RAB5IF: variants seen among roughly 807,000 people sequenced by gnomAD.
RAB5IF encodes RAB5 interacting factor, also known as GEL complex subunit OPTI.
In RAB5IF, 15 loss-of-function variants were observed where a neutral mutation model predicts 20.3. That is an observed-to-expected ratio of 0.74 (90% CI 0.50 to 1.14). The LOEUF (loss-of-function observed/expected upper bound fraction) is 1.14. Ranked by LOEUF, RAB5IF falls within the 50% of genes most tolerant of loss-of-function variation. The pLI is 0.00. For synonymous variants in RAB5IF, 67 were observed against 63.7 expected, an observed-to-expected ratio of 1.05 and a Z score of -0.25; for missense variants, 148 against 159.5, an observed-to-expected ratio of 0.93 and a Z score of 0.39.
chr20:36,607,286 AGTTTCACTCTT>A (rs1315100827), intron 1 of RAB5IF, among the ~76,000 whole-genome samples: 4 of 124,042 alleles, frequency 3.2e-5, no homozygotes, highest in African/African-American at 9.7e-5. Flanking sequence ...TTTGAGACGG[AGTTTCACTCTT>A]GTTGCCCTGC....
chr20:36,611,994 C>T lies in RAB5IF; in HGVS notation c.349-16C>T. 6.2e-7 allele frequency: 1 copy of T among 1,614,066 alleles called. No individual in the cohort carries two copies. Among genetic ancestry groups the T allele is most frequent in the Non-Finnish European group, 8.5e-7 (1 of 1,179,986 alleles). On this transcript the variant is annotated splice_polypyrimidine_tract_variant and intron_variant, in intron 3 of 3. Coordinates refer to ENST00000344795, the MANE Select transcript of RAB5IF (RefSeq NM_018840.5). ...TAAGCCAGGTGACCTATGAACAGTG[C>T]TTGTCTCCTCACTAGGTCATTTGGA...
chr20:36,606,037 T>A lies in RAB5IF; in HGVS notation c.86T>A (p.Leu29Gln), dbSNP rs1295864670. The change falls in exon 1 of 4, where the codon CTG becomes CAG. Residue 29 changes from leucine (L) to glutamine (Q), a missense_variant. Transcript: ENST00000344795. ...AAAGTCTCCGTCTGGAGTAAGGTGC[T>A]GCGGAGCGACGCGGCCTGGGAGGAT... Reference protein sequence around the residue: ...ALKVSVWSKVLRSDAAWEDKD... With the variant: ...ALKVSVWSKVQRSDAAWEDKD... The A allele has an allele frequency of 1.3e-6, 2 of 1,522,720 alleles. No individual in the cohort carries two copies. Among genetic ancestry groups the A allele is most frequent in the Non-Finnish European group, 1.8e-6 (2 of 1,130,656 alleles). 94.3% of individuals were successfully genotyped at this position (1,522,720 alleles called of 1,614,324 possible).
At position 36,612,160 on chromosome 20, in the gene RAB5IF, G is replaced by A. The variant is rs534176887; in HGVS notation, c.*109G>A. The A allele has an allele frequency of 4.6e-5, 74 of 1,614,080 alleles. 1 individual carries two copies. Among genetic ancestry groups the A allele is most frequent in the South Asian group, 3.5e-4 (32 of 91,090 alleles). On this transcript the variant is annotated 3_prime_UTR_variant, in exon 4 of 4. Coordinates refer to ENST00000344795, the MANE Select transcript of RAB5IF (RefSeq NM_018840.5). ...CAGCCCCTTGGAACTTGGAAGACCC[G>A]TGTTTCCTGGACCGCGAATCAGTGT...
chr20:36,609,074 C>A (rs370613355), intron 2 of RAB5IF, among the ~76,000 whole-genome samples: 4 of 151,270 alleles, frequency 2.6e-5, no homozygotes, highest in East Asian at 1.9e-4. Context: ...CTAGCTGGAG[C>A]TACCTGGAGG....
chr20:36,609,726 T>A lies in RAB5IF; in HGVS notation c.344T>A (p.Phe115Tyr). The change falls in exon 3 of 4, where the codon TTC becomes TAC. Residue 115 changes from phenylalanine (F) to tyrosine (Y), a missense_variant. Coordinates refer to ENST00000344795, the MANE Select transcript of RAB5IF (RefSeq NM_018840.5). ...KEGFMTSFAL[F>Y]MVIWIIFYTA... ...GGGTTTATGACCTCTTTTGCCTTGT[T>A]CATGGTATGTGTAGCTGATAGTTTT... is the stretch of plus-strand genomic sequence containing the variant. 3 of 1,614,226 alleles carry A rather than the reference T, an allele frequency of 1.9e-6. No individual in the cohort carries two copies. Among genetic ancestry groups the A allele is most frequent in the Non-Finnish European group, 2.5e-6 (3 of 1,180,028 alleles).
At chr20:36,607,221 G>A (rs1444991906) in intron 1 of RAB5IF, among the ~76,000 whole-genome samples, 2 of 151,004 alleles carry the variant, frequency 1.3e-5, no homozygotes, top group Admixed American at 1.3e-4. Flanking sequence ...TTAGAGCACA[G>A]ATTCTGGAAG....
intron 2 of RAB5IF, chr20:36,608,343 C>G (rs2038983335): frequency 5.8e-6 from 1 of 171,810 alleles, no homozygotes; most frequent in African/African-American, 2.4e-5. Context: ...CTCCTGGACT[C>G]AAATGATTTT....
chr20:36,611,318 C>T (rs955375014), intron 3 of RAB5IF, among the ~76,000 whole-genome samples: 1 of 151,710 alleles, frequency 6.6e-6, no homozygotes, highest in Non-Finnish European at 1.5e-5. Context: ...TACTCATGGC[C>T]TGGCATGGTG....
Position 36,609,616 on chromosome 20 carries a change from T to C in RAB5IF, c.234T>C (p.Asn78=), listed in dbSNP as rs1240680451. The change falls in exon 3 of 4, where the codon AAT becomes AAC. Residue 78 remains asparagine, a synonymous_variant. Transcript: ENST00000344795. ...GTTGCTCCAGATTCTGCCTGATCAA[T>C]GCAGGAGTCCTGTACCTCTACTTCA... ...FLGIAGFCLI[N]AGVLYLYFSN... is the part of the protein sequence containing the mutation. The C allele has an allele frequency of 6.2e-7, 1 of 1,605,240 alleles. No individual in the cohort carries two copies. The highest frequency in any genetic ancestry group is 1.1e-5 in the South Asian group (1 of 89,774).
Position 36,605,890 on chromosome 20 carries a change from C to T in RAB5IF, c.-62C>T. ...CCGCGCCGTGACCTGCGACCCTAGA[C>T]CCCGACTCCCTTTGGCTCAGCCCGC... is the stretch of plus-strand genomic sequence containing the variant. On this transcript the variant is annotated 5_prime_UTR_variant, in exon 1 of 4. Transcript: ENST00000344795. 9.8e-7 allele frequency: 1 copy of T among 1,019,574 alleles called. No individual in the cohort carries two copies. The allele number at this position is 1,019,574 out of a possible 1,614,324, so 63.2% of individuals were successfully genotyped here. A position where few individuals can be genotyped will look rare whatever the true frequency, so the allele number is the denominator to read the frequency against.
chr20:36,606,803 A>G (rs2038945551), intron 1 of RAB5IF, among the ~76,000 whole-genome samples: 1 of 152,214 alleles, frequency 6.6e-6, no homozygotes, highest in South Asian at 2.1e-4. Flanking sequence ...AGGGGCCATC[A>G]CAAACAGCTT....
At chr20:36,608,863 C>T (rs1208993619) in intron 2 of RAB5IF, among the ~76,000 whole-genome samples, 1 of 151,978 alleles carries the variant, frequency 6.6e-6, no homozygotes, top group Non-Finnish European at 1.5e-5. Flanking sequence ...CCATGCCCGG[C>T]TCATTGCTGT....
Position 36,607,796 on chromosome 20 carries a change from C to T in RAB5IF, c.196C>T (p.Arg66Ter). The change falls in exon 2 of 4, where the codon CGA becomes TGA. Residue 66 changes from arginine to a stop codon, truncating the protein, a stop_gained. Coordinates refer to ENST00000344795, the MANE Select transcript of RAB5IF (RefSeq NM_018840.5). LOFTEE classifies it high-confidence loss of function. ...LGVIWGVLPL[R>*]GFLGIAGFCL... The stretch of plus-strand genomic sequence containing the variant: ...TGTCATTTGGGGAGTTTTGCCATTA[C>T]GAGGGTTCTTGGGAATAGCAGGGTA... The T allele has an allele frequency of 1.9e-6, 3 of 1,613,846 alleles. No individual in the cohort carries two copies. The highest frequency in any genetic ancestry group is 2.2e-5 in the East Asian group (1 of 44,868).
chr20:36,608,969 GTC>G (rs2039000155), intron 2 of RAB5IF, among the ~76,000 whole-genome samples: 1 of 151,498 alleles, frequency 6.6e-6, no homozygotes, highest in South Asian at 2.1e-4. Context: ...TCCAGAAATG[GTC>G]TCCCACTGGG....
intron 2 of RAB5IF, chr20:36,608,043 T>A: frequency 1.6e-6 from 2 of 1,253,812 alleles, no homozygotes; most frequent in South Asian, 1.3e-5. Flanking sequence ...GCTGGGCCAG[T>A]CCATTCATTC....
chr20:36,607,741 G>C lies in RAB5IF; in HGVS notation c.141G>C (p.Trp47Cys). The C allele has an allele frequency of 6.2e-7, 1 of 1,614,060 alleles. No individual in the cohort carries two copies. Among genetic ancestry groups the C allele is most frequent in the Non-Finnish European group, 8.5e-7 (1 of 1,179,956 alleles). Residue 47 changes from tryptophan (W) to cysteine (C), a missense_variant, in exon 2 of 4, where the codon TGG becomes TGC. By Grantham distance (215) the Trp-to-Cys change is radical. Coordinates refer to ENST00000344795, the MANE Select transcript of RAB5IF (RefSeq NM_018840.5). ...ATGAATTTTTAGATGTGATCTACTG[G>C]TTCCGACAGATCATTGCTGTGGTCC... ...DKDEFLDVIY[W>C]FRQIIAVVLG...
chr20:36,607,925 G>C, intron 2 of RAB5IF, 107 bp downstream of exon 2: 1 of 1,551,120 alleles, frequency 6.4e-7, no homozygotes, highest in South Asian at 1.1e-5. Flanking sequence ...GTGTGTGTGT[G>C]TGATGACTAA....
Position 36,609,203 on chromosome 20 carries a change from G to T in RAB5IF, c.219-398G>T, listed in dbSNP as rs1291176. ...CACACACACACACACACGCACACAC[G>T]CACACACGCACACACGCACACACAC... On this transcript the variant is annotated intron_variant, in intron 2 of 3. Coordinates refer to ENST00000344795, the MANE Select transcript of RAB5IF (RefSeq NM_018840.5). Among the ~76,000 whole-genome samples, 2 of 34,648 alleles carry T rather than the reference G, an allele frequency of 5.8e-5. 1 individual carries two copies. Among genetic ancestry groups the T allele is most frequent in the Non-Finnish European group, 1.1e-4 (2 of 18,578 alleles). The allele number at this position is 34,648 out of a possible 152,430, so 22.7% of individuals were successfully genotyped here.
rs2039017877 is a variant in RAB5IF at position 36,609,171 on chromosome 20, A to ACACACACACACACACACACACACC, written c.219-407_219-406insCCACACACACACACACACACACAC. ...AGAACTATATTACACACACACACAC[A>ACACACACACACACACACACACACC]CACACACACACACACACACACACGC... On this transcript the variant is annotated intron_variant, in intron 2 of 3. Coordinates refer to ENST00000344795, the MANE Select transcript of RAB5IF (RefSeq NM_018840.5). 1.0e-4 allele frequency among the ~76,000 whole-genome samples: 2 copies of ACACACACACACACACACACACACC among 19,244 alleles called. 1 individual carries two copies. Among genetic ancestry groups the ACACACACACACACACACACACACC allele is most frequent in the Admixed American group, 1.2e-3 (2 of 1,726 alleles). The allele number at this position is 19,244 out of a possible 152,430, so 12.6% of individuals were successfully genotyped here. A position where few individuals can be genotyped will look rare whatever the true frequency, so the allele number is the denominator to read the frequency against.
Sources: gnomAD v4.1 joint callset for allele counts (sites outside exome capture counted in the v4.1 genomes callset) on GRCh38, gnomAD v4.1.1 for gene constraint, MANE v1.5 for transcripts, NCBI Gene and HGNC (gene_info 2026-07-23, HGNC 2026-07-21) for gene names.